Variants in FRY observed in about 807,000 individuals in gnomAD.
FRY encodes the protein protein furry homolog.
Under a neutral mutation model 348.4 loss-of-function variants are expected in FRY, and 128 were observed. That is an observed-to-expected ratio of 0.37 (90% CI 0.32 to 0.43). FRY has a LOEUF of 0.43. Ranked by LOEUF, FRY falls within the 20% of genes least tolerant of loss-of-function variation. The pLI, the probability that FRY is intolerant of heterozygous loss-of-function variation, is 1.00. For synonymous variants in FRY, 1,370 were observed against 1,374.7 expected, an observed-to-expected ratio of 1.00 and a Z score of 0.08; for missense variants, 2,736 against 3,695.2, an observed-to-expected ratio of 0.74 and a Z score of 6.73.
chr13:32,109,412 A>T (rs1877807247), intron 3 of FRY, among the ~76,000 whole-genome samples: 2 of 152,244 alleles, frequency 1.3e-5, no homozygotes, highest in African/African-American at 4.8e-5. Context: ...CAAGTGCTCT[A>T]GGAACTCAGA....
chr13:32,038,989 C>T (rs1872651668), intron 1 of FRY, among the ~76,000 whole-genome samples: 1 of 152,134 alleles, frequency 6.6e-6, no homozygotes, highest in African/African-American at 2.4e-5. Context: ...AATTCAGTTA[C>T]ATTAATGCAG....
chr13:32,088,620 G>C (rs1353898743), intron 2 of FRY, among the ~76,000 whole-genome samples: 1 of 151,992 alleles, frequency 6.6e-6, no homozygotes, highest in Non-Finnish European at 1.5e-5. Context: ...TTCTTCTGTG[G>C]CTCCTAAATG....
rs755443439 is a variant in FRY, at chr13:32,237,786, A to G, written c.6218A>G (p.His2073Arg). Residue 2073 changes from histidine to arginine, a missense_variant, in exon 44 of 61, where the codon CAT becomes CGT. By Grantham distance (29) the His-to-Arg change is conservative. Around this residue, in one of 9 missense-constraint regions of FRY, gnomAD observed 789 missense variants for 996.2 expected, o/e 0.79. Transcript: ENST00000542859. This position sits in a 1 kb window ranked among gnomAD's most constrained non-coding sequence, Gnocchi z 6.3. ...AGGCTGTTGAGCAGACTACTGGCAC[A>G]TATGCCACTCGATAAGGCTGAGAAC... ...ALRLLSRLLA[H>R]MPLDKAENRE... is the part of the protein sequence containing the mutation. 1 of 1,614,196 alleles carries G rather than the reference A, an allele frequency of 6.2e-7. No homozygotes were observed. The highest frequency in any genetic ancestry group is 1.7e-5 in the Admixed American group (1 of 60,030).
At position 32,209,749 on chromosome 13, in the gene FRY, C is replaced by T. The variant is rs560734595; in HGVS notation, c.4422+18C>T. ...TACCCTATGTAAGTGTCTCTCAGCC[C>T]TTCAAGAGTGATTATTCCTGCAGGG... On this transcript the variant is annotated intron_variant, in intron 33 of 60. Transcript: ENST00000542859. The T allele has an allele frequency of 1.5e-5, 25 of 1,613,358 alleles. No homozygotes were observed. The African/African-American group carries it at 2.4e-4, about 15-fold the overall frequency.
rs532969742 is a variant in FRY, at chr13:32,194,061, A to G, written c.3592-82A>G. ...TTCCCTTTCATTTTACTCAGTTTAT[A>G]TTGACTAAGCTTTATCTGTATCTTT... On this transcript the variant is annotated intron_variant, in intron 28 of 60. Transcript: ENST00000542859. The G allele has an allele frequency of 3.5e-5, 48 of 1,357,046 alleles. No homozygotes were observed. The African/African-American group carries it at 6.5e-4, about 19-fold the overall frequency. 84.1% of individuals were successfully genotyped at this position (1,357,046 alleles called of 1,614,324 possible).
At chr13:32,196,725 T>C (rs1317573681) in intron 29 of FRY, among the ~76,000 whole-genome samples, 1 of 152,166 alleles carries the variant, frequency 6.6e-6, no homozygotes, top group Non-Finnish European at 1.5e-5. Flanking sequence ...AGGATAAAGA[T>C]AGAAAGTGAT....
chr13:32,182,613 A>T (rs943542386), intron 23 of FRY, among the ~76,000 whole-genome samples: 1 of 152,202 alleles, frequency 6.6e-6, no homozygotes, highest in African/African-American at 2.4e-5. Context: ...AAGTGCTTGA[A>T]TTTAGCAAAT....
chr13:32,215,554 T>C (rs1174183440), intron 35 of FRY, among the ~76,000 whole-genome samples: 1 of 152,238 alleles, frequency 6.6e-6, no homozygotes, highest in Non-Finnish European at 1.5e-5. Flanking sequence ...TTTTAAAGTA[T>C]GCAGAAAAAA....
intron 23 of FRY, among the ~76,000 whole-genome samples, chr13:32,181,758 C>G (rs777425527): frequency 6.6e-6 from 1 of 151,950 alleles, no homozygotes; most frequent in African/African-American, 2.4e-5. Context: ...AACTTAATGT[C>G]TCTGGGCCTC....
intron 1 of FRY, among the ~76,000 whole-genome samples, chr13:32,046,525 G>A (rs779783948): frequency 1.3e-5 from 2 of 152,182 alleles, no homozygotes; most frequent in South Asian, 2.1e-4. Flanking sequence ...GTATCAGCCC[G>A]TTTGTGTTAA....
intron 1 of FRY, among the ~76,000 whole-genome samples, chr13:32,065,917 G>A (rs1347870845): frequency 6.6e-6 from 1 of 152,064 alleles, no homozygotes; most frequent in Non-Finnish European, 1.5e-5. Flanking sequence ...GTTTCTCTTT[G>A]TTAAAGTATT....
chr13:32,061,267 A>G (rs1873931072), intron 1 of FRY: 1 of 467,600 alleles, frequency 2.1e-6, no homozygotes, highest in Non-Finnish European at 4.5e-6. Flanking sequence ...GGGTGGAGGT[A>G]GCAGTTGCAT....
At chr13:32,104,132 C>T (rs1190503611) in intron 3 of FRY, among the ~76,000 whole-genome samples, 1 of 152,126 alleles carries the variant, frequency 6.6e-6, no homozygotes, top group East Asian at 1.9e-4. Flanking sequence ...TAAATTTTAA[C>T]TTTGCAGATA....
intron 31 of FRY, among the ~76,000 whole-genome samples, chr13:32,202,769 G>A (rs532504657): frequency 6.6e-6 from 1 of 152,178 alleles, no homozygotes; most frequent in South Asian, 2.1e-4. Context: ...GGCCAACATG[G>A]TGAAACCCTG....
intron 1 of FRY, among the ~76,000 whole-genome samples, chr13:32,047,664 G>A (rs993834047): frequency 3.3e-5 from 5 of 151,210 alleles, no homozygotes; most frequent in African/African-American, 4.9e-5. Context: ...TCCACCTCCT[G>A]GGTTCAAGTG....
chr13:32,232,728 C>T (rs963513160), intron 41 of FRY, among the ~76,000 whole-genome samples: 3 of 152,154 alleles, frequency 2.0e-5, no homozygotes, highest in African/African-American at 7.2e-5. Flanking sequence ...ATCCCATGGG[C>T]CAGAACTCGG....
rs764073179 is a variant in FRY, at chr13:32,295,248, G to A, written c.8830G>A (p.Val2944Ile). Residue 2944 changes from valine (V) to isoleucine (I), a missense_variant, in exon 61 of 61, where the codon GTC (valine) becomes ATC (isoleucine). Physicochemically the swap from Val to Ile is conservative, Grantham distance 29. Coordinates refer to ENST00000542859, the MANE Select transcript of FRY (RefSeq NM_023037.3). ...CTTTGGAAGCAGTTCTGATGATGAG[G>A]TCCAGACACTACTGAATATTTATTT... ...DIFGSSSDDE[V>I]QTLLNIYFRH... The A allele has an allele frequency of 6.2e-7, 1 of 1,613,492 alleles. No homozygotes were observed. Among genetic ancestry groups the A allele is most frequent in the African/African-American group, 1.3e-5 (1 of 74,898 alleles).
At chr13:32,207,332 C>G (rs1287625622) in intron 31 of FRY, among the ~76,000 whole-genome samples, 1 of 151,840 alleles carries the variant, frequency 6.6e-6, no homozygotes, top group East Asian at 1.9e-4. Context: ...GTCTTTGCAC[C>G]CAGAAGTCAT....
chr13:32,132,456 A>G (rs1453119998), intron 8 of FRY, among the ~76,000 whole-genome samples: 2 of 152,140 alleles, frequency 1.3e-5, no homozygotes, highest in East Asian at 3.9e-4. Context: ...TGTATGGATT[A>G]TGAATATAGG....
Sources: gnomAD v4.1 joint callset for allele counts (sites outside exome capture counted in the v4.1 genomes callset) on GRCh38, gnomAD v4.1.1 for gene constraint, gnomAD v4.1.1 regional missense constraint, Gnocchi (gnomAD v3.1) non-coding constraint, MANE v1.5 for transcripts, NCBI Gene and HGNC (gene_info 2026-07-23, HGNC 2026-07-21) for gene names.